The following WNK3 variants were observed in gnomAD, a reference collection of about 807,000 sequenced individuals.
WNK3 encodes serine/threonine-protein kinase WNK3.
Under a neutral mutation model 116.7 loss-of-function variants are expected in WNK3, and 18 were observed. The observed-to-expected ratio is 0.15, with a 90% CI of 0.11 to 0.23. The LOEUF (loss-of-function observed/expected upper bound fraction) is 0.23. Ranked by LOEUF, WNK3 falls within the 10% of genes least tolerant of loss-of-function variation. WNK3 has a pLI of 1.00. For missense variants in WNK3, 993 were observed against 1,323.8 expected (o/e 0.75, Z 3.88); for synonymous variants, 404 against 469.4 (o/e 0.86, Z 1.80).
intron 5 of WNK3, among the ~76,000 whole-genome samples, chrX:54,304,325 T>TC (rs1557168180): frequency 6.6e-4 from 72 of 109,746 alleles, no homozygotes; most frequent in African/African-American, 2.3e-3. Flanking sequence ...AGCCCAGTAG[T>TC]TCAAGACCAG....
At chrX:54,301,687 A>C in intron 6 of WNK3, 84 bp downstream of exon 6, 1 of 810,857 alleles carries the variant, frequency 1.2e-6, no homozygotes, top group Non-Finnish European at 1.8e-6. Flanking sequence ...ACTCAGCATG[A>C]CTGAAAGGTC....
rs190219669 is a variant in WNK3 at position 54,298,637 on chromosome X, C to T, written c.1179-243G>A. Among the ~76,000 whole-genome samples the T allele has an allele frequency of 4.0e-3, 444 of 111,767 alleles. 2 individuals carry two copies. The highest frequency in any genetic ancestry group is 6.2e-3 in the Admixed American group (65 of 10,430). On this transcript the variant is annotated intron_variant, in intron 6 of 23. Transcript: ENST00000354646. ...AAAGAAATCCCAACTAACATGCATACGGAGTGACTTCAATTAAAAATGAAT... is the reference window on the plus strand; with the variant it reads ...AAAGAAATCCCAACTAACATGCATATGGAGTGACTTCAATTAAAAATGAAT...
intron 1 of WNK3, among the ~76,000 whole-genome samples, chrX:54,347,594 T>C (rs1295700015): frequency 9.3e-6 from 1 of 107,151 alleles, no homozygotes; most frequent in Non-Finnish European, 1.9e-5. Flanking sequence ...AGGCTGCAGT[T>C]AGCAGTGATT....
chrX:54,311,031 TTGAGTA>T, intron 3 of WNK3, 82 bp downstream of exon 3: 1 of 695,574 alleles, frequency 1.4e-6, no homozygotes, highest in Non-Finnish European at 2.1e-6. Context: ...TAAAAATTCT[TTGAGTA>T]GTTTTATTTT....
In WNK3 at chrX:54,198,640, G is replaced by T. The variant is rs192899527; in HGVS notation, c.5087C>A (p.Thr1696Asn). Residue 1696 changes from threonine to asparagine, a missense_variant, in exon 24 of 24, where the codon ACT (threonine) becomes AAT (asparagine). This residue lies in a region of WNK3 where 836 missense variants were observed against 976.5 expected (regional missense o/e 0.86). Coordinates refer to ENST00000354646, the Ensembl canonical transcript of WNK3. The stretch of plus-strand genomic sequence containing the variant: ...AATCCATGTTGATGTGTAGCCCATA[G>T]TAGACGGAGTATTCTAAGAAAAACA... 20 of 1,176,224 alleles carry T rather than the reference G, an allele frequency of 1.7e-5. No individual in the cohort carries two copies. The Admixed American group carries it at 4.4e-4, about 26-fold the overall frequency.
intron 2 of WNK3, among the ~76,000 whole-genome samples, chrX:54,324,752 C>T (rs2069078747): frequency 8.9e-6 from 1 of 112,298 alleles, no homozygotes; most frequent in South Asian, 3.7e-4. Context: ...AAACAGAATC[C>T]AGAAACATTT....
rs577973643 is a variant in WNK3, at chrX:54,247,738, T to C, written c.3651+959A>G. Among the ~76,000 whole-genome samples, 352 of 110,619 alleles carry C rather than the reference T, an allele frequency of 3.2e-3. 1 individual carries two copies. The highest frequency in any genetic ancestry group is 0.019 in the Middle Eastern group (4 of 211). ...ATACAGCAATAAAGATTTAGAAAGA[T>C]GTCCATGATCTACTGTAAAATGAAA... On this transcript the variant is annotated intron_variant, in intron 17 of 23. Coordinates refer to ENST00000354646, the Ensembl canonical transcript of WNK3.
chrX:54,237,677 A>G (rs1376541560), intron 19 of WNK3, 126 bp from the exon 20 acceptor site: 51 of 630,852 alleles, frequency 8.1e-5, no homozygotes, highest in Non-Finnish European at 1.0e-4. Flanking sequence ...CACTCTTTCA[A>G]TCAGGCCCCT....
chrX:54,304,047 A>G (rs782334242), intron 5 of WNK3, among the ~76,000 whole-genome samples: 5 of 112,122 alleles, frequency 4.5e-5, no homozygotes, highest in African/African-American at 1.6e-4. Context: ...TGAAAGTAGA[A>G]TAGCATAATG....
intron 1 of WNK3, among the ~76,000 whole-genome samples, chrX:54,347,677 T>C (rs781852692): frequency 2.6e-4 from 26 of 99,667 alleles, no homozygotes; most frequent in African/African-American, 7.3e-4. Flanking sequence ...TATATATATA[T>C]ACACATATAT....
At chrX:54,358,400 C>T (rs1346255805), upstream of WNK3, 1 of 111,179 alleles carries the variant, frequency 9.0e-6, no homozygotes, top group Non-Finnish European at 1.9e-5. Flanking sequence ...TACTTCCTAG[C>T]CCCCCACTGC....
At chrX:54,349,886 A>G (rs2069490382) in intron 1 of WNK3, among the ~76,000 whole-genome samples, 1 of 111,662 alleles carries the variant, frequency 9.0e-6, no homozygotes, top group African/African-American at 3.2e-5. Context: ...CCTTTAAAAA[A>G]TAAAAAATTT....
intron 1 of WNK3, among the ~76,000 whole-genome samples, chrX:54,336,290 A>G (rs949505521): frequency 9.0e-6 from 1 of 110,661 alleles, no homozygotes. Flanking sequence ...ACTGCACTCC[A>G]GCCTGGGTGA....
chrX:54,233,977 TTAATAA>T (rs200560365), intron 20 of WNK3, among the ~76,000 whole-genome samples: 4,332 of 109,828 alleles, frequency 0.039, 222 homozygotes, highest in African/African-American at 0.14. Flanking sequence ...AGACCTCATC[TTAATAA>T]TAATAATTGT....
At position 54,202,032 on chromosome X, in the gene WNK3, G is replaced by A; in HGVS notation, c.5032C>T (p.Gln1678Ter). The change falls in exon 23 of 24, where the codon CAA becomes TAA. Residue 1678 changes from glutamine (Q) to a stop codon, truncating the protein, a stop_gained. Transcript: ENST00000354646. LOFTEE classifies it high-confidence loss of function. ...CAGTTTTCTGTCTCTAGTTTGTGTT[G>A]ACTTTGTTTAAGTTGGTTTAAACTT... 1 of 1,211,289 alleles carries A rather than the reference G, an allele frequency of 8.3e-7. No individual in the cohort carries two copies. The highest frequency in any genetic ancestry group is 1.1e-6 in the Non-Finnish European group (1 of 895,303).
At chrX:54,229,381 G>C (rs1226736761) in intron 21 of WNK3, among the ~76,000 whole-genome samples, 2 of 108,655 alleles carry the variant, frequency 1.8e-5, no homozygotes, top group Non-Finnish European at 3.8e-5. Flanking sequence ...AAAAAGGAGA[G>C]ATAGCCTACG....
intron 6 of WNK3, among the ~76,000 whole-genome samples, chrX:54,301,404 T>A (rs182938188): frequency 1.8e-5 from 2 of 111,280 alleles, no homozygotes; most frequent in East Asian, 5.6e-4. Context: ...ATTAGCTTTA[T>A]CATTATCATG....
rs1325274093 is a variant in WNK3 at position 54,226,495 on chromosome X, GA to G, written c.4870+2218del. Among the ~76,000 whole-genome samples the G allele has an allele frequency of 2.9e-3, 225 of 78,178 alleles. 1 individual carries two copies. The highest frequency in any genetic ancestry group is 8.8e-3 in the African/African-American group (188 of 21,321). The allele number at this position is 78,178 out of a possible 115,157, so 67.9% of individuals were successfully genotyped here. A position where few individuals can be genotyped will look rare whatever the true frequency, so the allele number is the denominator to read the frequency against. On this transcript the variant is annotated intron_variant, in intron 22 of 23. Transcript: ENST00000354646. ...AAAAAAAAAAAAAAAAAAAGAAGAA[GA>G]AAAAAAAAAAGAACTAAATGTAAGA...
intron 10 of WNK3, among the ~76,000 whole-genome samples, chrX:54,286,421 A>C (rs1392752102): frequency 2.7e-5 from 3 of 111,408 alleles, no homozygotes; most frequent in Non-Finnish European, 5.6e-5. Context: ...TAAAATACAG[A>C]ATACCTGAGG....
Sources: gnomAD v4.1 joint callset for allele counts (sites outside exome capture counted in the v4.1 genomes callset) on GRCh38, gnomAD v4.1.1 for gene constraint, gnomAD v4.1.1 regional missense constraint, MANE v1.5 for transcripts, NCBI Gene and HGNC (gene_info 2026-07-23, HGNC 2026-07-21) for gene names.